The following CATSPER1 variants were observed in gnomAD, a reference collection of about 807,000 sequenced individuals.
CATSPER1 encodes cation channel sperm associated 1.
In CATSPER1, 57 loss-of-function variants were observed where a neutral mutation model predicts 72.7. The ratio of observed to expected loss-of-function variants is 0.78; its 90% CI spans 0.63 to 0.98. CATSPER1 has a LOEUF of 0.98. Among genes scored for constraint, CATSPER1 ranks in the 50% least tolerant of loss-of-function variants. The pLI is 0.00. For missense variants in CATSPER1, 910 were observed against 1,033.9 expected (o/e 0.88, Z 1.64); for synonymous variants, 363 against 403.0 (o/e 0.90, Z 1.19).
chr11:66,025,574 TG>T lies in CATSPER1; in HGVS notation c.805del (p.Gln269LysfsTer66). ...GISDYHSEYH[Q>X]GDHHPSEYHH... The stretch of plus-strand genomic sequence containing the variant: ...GTACTCACTGGGGTGGTGATCACCT[TG>T]GTGGTACTCGCTGTGATAGTCAGAT... On this transcript the variant is annotated frameshift_variant, in exon 1 of 12. Coordinates refer to ENST00000312106, the MANE Select transcript of CATSPER1 (RefSeq NM_053054.4). LOFTEE classifies it high-confidence loss of function. The T allele has an allele frequency of 6.2e-7, 1 of 1,605,462 alleles. No homozygotes were observed. Among genetic ancestry groups the T allele is most frequent in the Non-Finnish European group, 8.5e-7 (1 of 1,176,048 alleles).
Position 66,020,118 on chromosome 11 carries a change from C to T in CATSPER1, c.2125+22G>A, listed in dbSNP as rs1186663770. 2 of 1,612,536 alleles carry T rather than the reference C, an allele frequency of 1.2e-6. No individual in the cohort carries two copies. The highest frequency in any genetic ancestry group is 4.5e-5 in the East Asian group (2 of 44,856). ...CCCCACTGCGGACGGGCAGGTGGGG[C>T]CAGGGCGGGCCAGGCCCATACCTGC... On this transcript the variant is annotated intron_variant, in intron 9 of 11. Transcript: ENST00000312106. This position sits in a 1 kb window ranked among gnomAD's most constrained non-coding sequence, Gnocchi z 4.5.
At chr11:66,021,228 G>A (rs569088676) in intron 4 of CATSPER1, 43 bp from the exon 5 acceptor site, 70 of 1,557,542 alleles carry the variant, frequency 4.5e-5, no homozygotes, top group Non-Finnish European at 5.6e-5. Context: ...GGTGAGGGGC[G>A]GGGGTGTGTG....
intron 4 of CATSPER1, 107 bp from the exon 5 acceptor site, chr11:66,021,292 G>T: frequency 8.0e-7 from 1 of 1,244,858 alleles, no homozygotes; most frequent in Non-Finnish European, 1.1e-6. Context: ...CTGACTTGTT[G>T]GTGACTTGGG....
intron 4 of CATSPER1, 55 bp downstream of exon 4, chr11:66,021,441 T>C: frequency 6.3e-7 from 1 of 1,598,272 alleles, no homozygotes; most frequent in Non-Finnish European, 8.5e-7. Context: ...GGCCCTGGTC[T>C]GTGTCCCCTC....
chr11:66,020,084 G>C lies in CATSPER1; in HGVS notation c.2125+56C>G. On this transcript the variant is annotated intron_variant, in intron 9 of 11. Transcript: ENST00000312106. This position sits in a 1 kb window ranked among gnomAD's most constrained non-coding sequence, Gnocchi z 4.5. ...TGTGGAAGGAGGTTAGGGGGATGGAGAGACTGGCCCCCACTGCGGACGGGC... is the reference window on the plus strand; with the variant it reads ...TGTGGAAGGAGGTTAGGGGGATGGACAGACTGGCCCCCACTGCGGACGGGC... 11 of 1,561,632 alleles carry C rather than the reference G, an allele frequency of 7.0e-6. No individual in the cohort carries two copies. The highest frequency in any genetic ancestry group is 9.7e-6 in the Non-Finnish European group (11 of 1,134,014).
At position 66,020,643 on chromosome 11, in the gene CATSPER1, C is replaced by A. The variant is rs1487949476; in HGVS notation, c.1928-16G>T. The A allele has an allele frequency of 2.5e-6, 4 of 1,610,078 alleles. No homozygotes were observed. The highest frequency in any genetic ancestry group is 3.3e-4 in the Middle Eastern group (2 of 6,050). Reference sequence around the variant, plus strand: ...TACCAGGCGCCTAGGGGGAGCAGGCCAGAGGGCACAGTCAGGCTGTGCTCG... The same window carrying A: ...TACCAGGCGCCTAGGGGGAGCAGGCAAGAGGGCACAGTCAGGCTGTGCTCG... On this transcript the variant is annotated splice_polypyrimidine_tract_variant and intron_variant, in intron 6 of 11. Transcript: ENST00000312106. This position sits in a 1 kb window ranked among gnomAD's most constrained non-coding sequence, Gnocchi z 4.5.
rs74794071 is a variant in CATSPER1 at position 66,025,691 on chromosome 11, C to T, written c.689G>A (p.Arg230His). The T allele has an allele frequency of 4.9e-3, 7,914 of 1,613,790 alleles. 27 individuals carry two copies. Among genetic ancestry groups the T allele is most frequent in the Non-Finnish European group, 5.8e-3 (6,791 of 1,179,932 alleles). The change falls in exon 1 of 12, where the codon CGT becomes CAT. Residue 230 changes from arginine to histidine, a missense_variant. Arg to His is a conservative substitution (Grantham distance 29, BLOSUM62 0). Coordinates refer to ENST00000312106, the MANE Select transcript of CATSPER1 (RefSeq NM_053054.4). Reference sequence around the variant, plus strand: ...TCCATGCTGGTGGGCTTCATGATGACGGGACCTGCCATGGTGGTGGACTTG... The same window carrying T: ...TCCATGCTGGTGGGCTTCATGATGATGGGACCTGCCATGGTGGTGGACTTG... The part of the protein sequence containing the change: ...HHQVHHHGRS[R>H]HHEAHQHGKS...
rs1210596678 is a variant in CATSPER1 at position 66,018,223 on chromosome 11, AG to A, written c.2201+603del. The stretch of plus-strand genomic sequence containing the variant: ...ACCCTGTCTCAAAAAAAAAAAAAAA[AG>A]AAAAAAGAAAAAAAGAGAAAGATAC... On this transcript the variant is annotated intron_variant, in intron 10 of 11. Coordinates refer to ENST00000312106, the MANE Select transcript of CATSPER1 (RefSeq NM_053054.4). Among the ~76,000 whole-genome samples the A allele has an allele frequency of 2.4e-3, 361 of 150,970 alleles. 3 individuals carry two copies. Among genetic ancestry groups the A allele is most frequent in the Admixed American group, 0.02 (296 of 15,016 alleles).
Position 66,025,290 on chromosome 11 carries a change from T to C in CATSPER1, c.1090A>G (p.Thr364Ala). The stretch of plus-strand genomic sequence containing the variant: ...GAGCGGATTGTGCTGGAGGACCGAG[T>C]CATGCTGTGAGCCGAGCCCCGTGGG... ...AHPRGSAHSMTRSSSTIRSRV... is the reference protein window; with the variant it reads ...AHPRGSAHSMARSSSTIRSRV... The change falls in exon 1 of 12, where the codon ACT becomes GCT. Residue 364 changes from threonine (T) to alanine (A), a missense_variant. By Grantham distance (58) the Thr-to-Ala change is moderately conservative. Transcript: ENST00000312106. The C allele has an allele frequency of 6.2e-7, 1 of 1,614,072 alleles. No individual in the cohort carries two copies. Among genetic ancestry groups the C allele is most frequent in the Non-Finnish European group, 8.5e-7 (1 of 1,180,012 alleles).
At chr11:66,021,254 C>T (rs1437609504) in intron 4 of CATSPER1, 69 bp from the exon 5 acceptor site, 3 of 1,472,454 alleles carry the variant, frequency 2.0e-6, no homozygotes, top group Non-Finnish European at 1.9e-6. Context: ...GCCCAGCAGC[C>T]ACAGCTGGCG....
chr11:66,024,118 C>T (rs1272442443), intron 1 of CATSPER1, among the ~76,000 whole-genome samples: 3 of 151,694 alleles, frequency 2.0e-5, no homozygotes, highest in African/African-American at 7.3e-5. Context: ...CACGCACCAC[C>T]ACACCCGGCT....
chr11:66,016,896 C>A lies in CATSPER1; in HGVS notation c.2337G>T (p.Arg779Ser). The A allele has an allele frequency of 6.2e-7, 1 of 1,613,982 alleles. No homozygotes were observed. The highest frequency in any genetic ancestry group is 8.5e-7 in the Non-Finnish European group (1 of 1,179,944). Residue 779 changes from arginine to serine, a missense_variant, in exon 12 of 12, where the codon AGG becomes AGT. Physicochemically the swap from Arg to Ser is moderately radical, Grantham distance 110. Coordinates refer to ENST00000312106, the MANE Select transcript of CATSPER1 (RefSeq NM_053054.4). ...TTFEAGEEDF[R>S]N ...ATCTGGTGTCCTCCTGGGGTCAATT[C>A]CTGAAGTCCTCTTCTCCAGCCTGCA...
At chr11:66,019,315 C>T (rs769292165) in intron 9 of CATSPER1, among the ~76,000 whole-genome samples, 6 of 151,772 alleles carry the variant, frequency 4.0e-5, no homozygotes, top group South Asian at 2.1e-4. Context: ...CTCACTCTGC[C>T]GCCCAGGCTG....
rs775936600 is a variant in CATSPER1 at position 66,018,818 on chromosome 11, T to A, written c.2201+9A>T. 21 of 1,612,858 alleles carry A rather than the reference T, an allele frequency of 1.3e-5. No homozygotes were observed. Among genetic ancestry groups the A allele is most frequent in the Admixed American group, 6.7e-5 (4 of 59,966 alleles). ...GACCCCAGGCCTCGCTCCCTTCCTG[T>A]CTCCTCACTTCTCAGTCATGGTCCC... On this transcript the variant is annotated intron_variant, in intron 10 of 11. Coordinates refer to ENST00000312106, the MANE Select transcript of CATSPER1 (RefSeq NM_053054.4).
At chr11:66,019,230 C>T (rs1243580817) in intron 9 of CATSPER1, among the ~76,000 whole-genome samples, 1 of 152,094 alleles carries the variant, frequency 6.6e-6, no homozygotes, top group East Asian at 1.9e-4. Context: ...TAGCCCCACC[C>T]CCCAGCTTCA....
chr11:66,017,421 T>G (rs967053236), intron 10 of CATSPER1, among the ~76,000 whole-genome samples: 17 of 151,086 alleles, frequency 1.1e-4, no homozygotes, highest in Admixed American at 2.6e-4. Flanking sequence ...ACCCACCCAT[T>G]TGTCAGCCCC....
At chr11:66,019,894 G>A (rs989092444) in intron 9 of CATSPER1, among the ~76,000 whole-genome samples, 2 of 128,398 alleles carry the variant, frequency 1.6e-5, no homozygotes, top group African/African-American at 6.0e-5. Flanking sequence ...TCCAGCCTGT[G>A]CGACAGAGCA....
At chr11:66,019,133 C>G (rs1053422911) in intron 9 of CATSPER1, among the ~76,000 whole-genome samples, 3 of 152,100 alleles carry the variant, frequency 2.0e-5, no homozygotes, top group South Asian at 2.1e-4. Context: ...ACTTCTACCC[C>G]CTTTCAGTCC....
At position 66,023,070 on chromosome 11, in the gene CATSPER1, A is replaced by T; in HGVS notation, c.1217-9T>A. ...CCGCTGGAGCCGGCCGGCTGAAAGGAACAGGGCCAGAAAGTCAAGTGTGTG... is the reference window on the plus strand; with the variant it reads ...CCGCTGGAGCCGGCCGGCTGAAAGGTACAGGGCCAGAAAGTCAAGTGTGTG... On this transcript the variant is annotated splice_polypyrimidine_tract_variant and intron_variant, in intron 1 of 11. Transcript: ENST00000312106. 1.2e-6 allele frequency: 2 copies of T among 1,613,060 alleles called. No individual in the cohort carries two copies. The highest frequency in any genetic ancestry group is 1.7e-6 in the Non-Finnish European group (2 of 1,179,132).
Sources: allele counts gnomAD v4.1 joint callset (sites outside exome capture counted in the v4.1 genomes callset), GRCh38; gene constraint gnomAD v4.1.1; non-coding constraint Gnocchi (gnomAD v3.1); transcripts MANE v1.5; gene names NCBI Gene and HGNC (gene_info 2026-07-23, HGNC 2026-07-21).